Variants in PPP1R7 observed in about 807,000 individuals in gnomAD.
The protein encoded by PPP1R7 is protein phosphatase 1 regulatory subunit 7, also known as protein phosphatase 1 regulatory subunit 22.
Under a neutral mutation model 45.2 loss-of-function variants are expected in PPP1R7, and 18 were observed. That is an observed-to-expected ratio of 0.40 (90% CI 0.28 to 0.59). The LOEUF is 0.59. Ranked by LOEUF, PPP1R7 falls within the 20% of genes least tolerant of loss-of-function variation. The probability of loss-of-function intolerance (pLI) is 0.46; values close to 1 mark genes in which losing one functional copy is unlikely to be tolerated. For missense variants in PPP1R7, 314 were observed against 455.8 expected, an observed-to-expected ratio of 0.69 and a Z score of 2.83; for synonymous variants, 181 against 183.4, an observed-to-expected ratio of 0.99 and a Z score of 0.11.
intron 8 of PPP1R7, among the ~76,000 whole-genome samples, chr2:241,169,421 C>G (rs996793267): frequency 1.3e-5 from 2 of 152,232 alleles, no homozygotes; most frequent in African/African-American, 4.8e-5. Context: ...CAATTGTCAG[C>G]CTTTCTTCAG....
intron 7 of PPP1R7, 50 bp downstream of exon 7, chr2:241,163,451 CGCT>C: frequency 8.0e-7 from 1 of 1,251,830 alleles, no homozygotes. Flanking sequence ...GCAGGGCCAG[CGCT>C]GCTGGACACA....
chr2:241,179,509 A>G (rs2067964507), intron 9 of PPP1R7, among the ~76,000 whole-genome samples: 1 of 152,236 alleles, frequency 6.6e-6, no homozygotes, highest in African/African-American at 2.4e-5. Flanking sequence ...ACAGTGAGGG[A>G]TACTTTACAA....
chr2:241,176,776 T>A (rs116840075), intron 9 of PPP1R7, among the ~76,000 whole-genome samples: 1,602 of 152,330 alleles, frequency 0.011, 10 homozygotes, highest in Non-Finnish European at 0.018. Flanking sequence ...TCATTAACTT[T>A]TAAAATCTAC....
At chr2:241,159,366 G>C in intron 5 of PPP1R7, 23 bp downstream of exon 5, 1 of 1,609,622 alleles carries the variant, frequency 6.2e-7, no homozygotes. Context: ...ACCCACAGGA[G>C]AACAGCATGG....
upstream of PPP1R7, chr2:241,149,987 G>T: frequency 1.4e-6 from 2 of 1,416,814 alleles, no homozygotes; most frequent in South Asian, 1.5e-5. Flanking sequence ...GACGCCGGGA[G>T]AATGTTGTTG....
chr2:241,165,483 A>G (rs545021508), intron 7 of PPP1R7, among the ~76,000 whole-genome samples: 73 of 152,180 alleles, frequency 4.8e-4, no homozygotes, highest in African/African-American at 1.6e-3. Flanking sequence ...TGAATTCTTT[A>G]TATAAAAAAC....
At chr2:241,158,954 C>A in intron 4 of PPP1R7, 1 of 473,958 alleles carries the variant, frequency 2.1e-6, no homozygotes, top group East Asian at 3.7e-5. Context: ...CGCCTCCCTC[C>A]CCAACTGGCC....
At chr2:241,172,302 T>C (rs1296738294) in intron 9 of PPP1R7, among the ~76,000 whole-genome samples, 1 of 152,204 alleles carries the variant, frequency 6.6e-6, no homozygotes, top group African/African-American at 2.4e-5. Flanking sequence ...CATCTATATA[T>C]TTTACATTTA....
chr2:241,153,460 A>G lies in PPP1R7; in HGVS notation c.53-16A>G, dbSNP rs745786534. On this transcript the variant is annotated splice_polypyrimidine_tract_variant and intron_variant, in intron 1 of 9. Transcript: ENST00000234038. ...ATAAAGTGGATGTGAATTCTCATTG[A>G]CATGTGTGGGTTCAGTTGACAGGCG... is the stretch of plus-strand genomic sequence containing the variant. 1.2e-6 allele frequency: 2 copies of G among 1,613,984 alleles called. No homozygotes were observed. The highest frequency in any genetic ancestry group is 1.7e-6 in the Non-Finnish European group (2 of 1,179,888).
Position 241,183,408 on chromosome 2 carries a change from C to A in PPP1R7, c.*585C>A. 1 of 471,216 alleles carries A rather than the reference C, an allele frequency of 2.1e-6. No homozygotes were observed. Among genetic ancestry groups the A allele is most frequent in the Non-Finnish European group, 4.4e-6 (1 of 227,068 alleles). The allele number at this position is 471,216 out of a possible 1,614,324, so 29.2% of individuals were successfully genotyped here. On this transcript the variant is annotated 3_prime_UTR_variant, in exon 10 of 10. Coordinates refer to ENST00000234038, the MANE Select transcript of PPP1R7 (RefSeq NM_002712.3). ...CTCCTTCAAAGAGCGCCGGGCAGGG[C>A]TGACTGTTTTCACGTGTGCCCGTCA...
Position 241,183,340 on chromosome 2 carries a change from G to A in PPP1R7, c.*517G>A, listed in dbSNP as rs1374417434. 2.2e-6 allele frequency: 1 copy of A among 445,392 alleles called. No homozygotes were observed. The highest frequency in any genetic ancestry group is 7.1e-5 in the East Asian group (1 of 14,100). The allele number at this position is 445,392 out of a possible 1,614,324, so 27.6% of individuals were successfully genotyped here. ...AAATTAGGTAAGTTAAAAAAGCTGG[G>A]TAAAAGCTGACTCAGCCCTGTGTGC... On this transcript the variant is annotated 3_prime_UTR_variant, in exon 10 of 10. Transcript: ENST00000234038.
chr2:241,150,667 CCCT>C, intron 1 of PPP1R7, 120 bp downstream of exon 1: 1 of 1,305,150 alleles, frequency 7.7e-7, no homozygotes, highest in Non-Finnish European at 9.8e-7. Flanking sequence ...CCGCGCGGCC[CCCT>C]GACAGCTGAC....
At chr2:241,163,600 A>T (rs902694857) in intron 7 of PPP1R7, among the ~76,000 whole-genome samples, 199 bp downstream of exon 7, 1 of 151,976 alleles carries the variant, frequency 6.6e-6, no homozygotes, top group Non-Finnish European at 1.5e-5. Flanking sequence ...TTTATTTTTT[A>T]TTTATTTTTT....
intron 7 of PPP1R7, among the ~76,000 whole-genome samples, chr2:241,165,496 G>C (rs1329093491): frequency 6.6e-6 from 1 of 152,148 alleles, no homozygotes; most frequent in Non-Finnish European, 1.5e-5. Context: ...TAAAAAACAT[G>C]TAATTCCCAT....
At chr2:241,180,554 T>A (rs1195673061) in intron 9 of PPP1R7, among the ~76,000 whole-genome samples, 4 of 152,122 alleles carry the variant, frequency 2.6e-5, no homozygotes, top group Admixed American at 6.5e-5. Context: ...TGCATCATTT[T>A]CGTGACTCTC....
At chr2:241,171,733 A>C (rs1346399589) in intron 9 of PPP1R7, among the ~76,000 whole-genome samples, 5 of 152,204 alleles carry the variant, frequency 3.3e-5, no homozygotes, top group African/African-American at 7.2e-5. Flanking sequence ...AGGTGCATAC[A>C]TATTTAGAAT....
At chr2:241,167,007 T>A (rs765701795) in intron 8 of PPP1R7, 2 of 1,595,192 alleles carry the variant, frequency 1.3e-6, no homozygotes, top group Admixed American at 3.3e-5. Flanking sequence ...CCTCACCTGT[T>A]CATGCTCCTC....
At chr2:241,176,482 A>T (rs185090304) in intron 9 of PPP1R7, among the ~76,000 whole-genome samples, 1 of 138,944 alleles carries the variant, frequency 7.2e-6, no homozygotes. Flanking sequence ...TTTGAGATGG[A>T]GCTTTGCTCC....
intron 9 of PPP1R7, among the ~76,000 whole-genome samples, chr2:241,171,371 C>T (rs3771350): frequency 0.47 from 71,001 of 152,028 alleles, 16,749 homozygotes; most frequent in East Asian, 0.58. Context: ...CCATACCTCT[C>T]TCCATTCTGA....
Sources: allele counts gnomAD v4.1 joint callset (sites outside exome capture counted in the v4.1 genomes callset), GRCh38; gene constraint gnomAD v4.1.1; transcripts MANE v1.5; gene names NCBI Gene and HGNC (gene_info 2026-07-23, HGNC 2026-07-21).